Variants in PALS1 observed in about 807,000 individuals in gnomAD.
PALS1 encodes protein PALS1.
In PALS1, 31 loss-of-function variants were observed where a neutral mutation model predicts 78.9. The observed-to-expected ratio is 0.39, with a 90% CI of 0.30 to 0.53. The LOEUF (loss-of-function observed/expected upper bound fraction) is 0.53, where lower values mean the gene tolerates loss of function less well. Among genes scored for constraint, PALS1 ranks in the 20% least tolerant of loss-of-function variants. PALS1 has a pLI of 0.67. For synonymous variants in PALS1, 276 were observed against 270.9 expected, an observed-to-expected ratio of 1.02 and a Z score of -0.18; for missense variants, 704 against 826.5, an observed-to-expected ratio of 0.85 and a Z score of 1.82.
In PALS1 at chr14:67,335,560, A is replaced by G. The variant is rs906059304; in HGVS notation, c.*2604A>G. 2.0e-5 allele frequency: 3 copies of G among 152,654 alleles called. No individual in the cohort carries two copies. Among genetic ancestry groups the G allele is most frequent in the African/African-American group, 7.2e-5 (3 of 41,464 alleles). 9.5% of individuals were successfully genotyped at this position (152,654 alleles called of 1,614,324 possible). On this transcript the variant is annotated 3_prime_UTR_variant, in exon 15 of 15. Coordinates refer to ENST00000261681, the MANE Select transcript of PALS1 (RefSeq NM_022474.4). ...GACTAATCCAGATTTGCTTTCTATG[A>G]AAATCTAATGTCTGGATTATCTTCC...
Position 67,333,106 on chromosome 14 carries a change from C to A in PALS1, c.*150C>A. ...TCTTAGATCTCTTGAATTAGTGAGACGACAGTTCCCTTAGGCAGTTTGTGC... is the reference window on the plus strand; with the variant it reads ...TCTTAGATCTCTTGAATTAGTGAGAAGACAGTTCCCTTAGGCAGTTTGTGC... On this transcript the variant is annotated 3_prime_UTR_variant, in exon 15 of 15. Transcript: ENST00000261681. The A allele has an allele frequency of 1.6e-6, 1 of 634,244 alleles. No individual in the cohort carries two copies. The highest frequency in any genetic ancestry group is 2.4e-5 in the South Asian group (1 of 42,420). The allele number at this position is 634,244 out of a possible 1,614,324, so 39.3% of individuals were successfully genotyped here. A position where few individuals can be genotyped will look rare whatever the true frequency, so the allele number is the denominator to read the frequency against.
chr14:67,300,795 T>C (rs965855457), intron 4 of PALS1, among the ~76,000 whole-genome samples: 1 of 152,180 alleles, frequency 6.6e-6, no homozygotes, highest in Non-Finnish European at 1.5e-5. Flanking sequence ...ATTATGGTGA[T>C]TGTTCCATTA....
intron 2 of PALS1, among the ~76,000 whole-genome samples, chr14:67,272,571 C>T (rs541014549): frequency 6.6e-6 from 1 of 152,146 alleles, no homozygotes. Flanking sequence ...TGACTTCTTT[C>T]TCCTCCTCCT....
At chr14:67,326,995 T>C (rs992716930) in intron 14 of PALS1, among the ~76,000 whole-genome samples, 1 of 151,974 alleles carries the variant, frequency 6.6e-6, no homozygotes, top group Non-Finnish European at 1.5e-5. Context: ...GCTAACATAG[T>C]GAAACCCCGT....
At chr14:67,283,718 A>G (rs559703437) in intron 3 of PALS1, among the ~76,000 whole-genome samples, 15 of 152,322 alleles carry the variant, frequency 9.8e-5, no homozygotes, top group East Asian at 9.6e-4. Context: ...AATTAGACCT[A>G]AAGATGTAAA....
chr14:67,275,826 A>T (rs1448284263), intron 2 of PALS1, among the ~76,000 whole-genome samples: 1 of 152,064 alleles, frequency 6.6e-6, no homozygotes, highest in Admixed American at 6.6e-5. Context: ...CAGGGATTCG[A>T]CTTCTTCCTG....
In PALS1 at chr14:67,323,237, G is replaced by A. The variant is rs1468987053; in HGVS notation, c.1741-465G>A. ...CATATATACACATATATACACGTGT[G>A]TGTGTGTGTGTGTGTGTGTGTGTGT... On this transcript the variant is annotated intron_variant, in intron 13 of 14. Coordinates refer to ENST00000261681, the MANE Select transcript of PALS1 (RefSeq NM_022474.4). Among the ~76,000 whole-genome samples the A allele has an allele frequency of 2.9e-4, 15 of 51,452 alleles. No individual in the cohort carries two copies. In the South Asian group the frequency reaches 5.1e-3, roughly 17 times the overall value. The allele number at this position is 51,452 out of a possible 152,430, so 33.8% of individuals were successfully genotyped here.
At chr14:67,251,742 C>A (rs2084066652) in intron 1 of PALS1, among the ~76,000 whole-genome samples, 1 of 152,160 alleles carries the variant, frequency 6.6e-6, no homozygotes, top group Non-Finnish European at 1.5e-5. Context: ...TTTTCTTAAG[C>A]ATAGAGAGTC....
chr14:67,319,703 C>G (rs1314490980), intron 11 of PALS1, among the ~76,000 whole-genome samples: 1 of 152,002 alleles, frequency 6.6e-6, no homozygotes. Flanking sequence ...CCGTCCTGGG[C>G]TGCATGCAGC....
chr14:67,267,347 C>T (rs918678742), intron 1 of PALS1, among the ~76,000 whole-genome samples: 7 of 152,016 alleles, frequency 4.6e-5, no homozygotes, highest in Non-Finnish European at 1.0e-4. Context: ...CAACCTCTGC[C>T]TCCCAGGTTC....
intron 2 of PALS1, among the ~76,000 whole-genome samples, chr14:67,278,719 T>G (rs1264683072): frequency 6.6e-6 from 1 of 152,208 alleles, no homozygotes; most frequent in African/African-American, 2.4e-5. Context: ...TCTACCAAAC[T>G]AGTACCCCAA....
chr14:67,284,660 C>T (rs1240771607), intron 3 of PALS1, among the ~76,000 whole-genome samples: 1 of 149,942 alleles, frequency 6.7e-6, no homozygotes, highest in African/African-American at 2.4e-5. Context: ...ATTCTGTCCA[C>T]CACCTGGCCC....
chr14:67,302,849 G>A (rs1228724180), intron 7 of PALS1, among the ~76,000 whole-genome samples: 1 of 152,060 alleles, frequency 6.6e-6, no homozygotes, highest in Non-Finnish European at 1.5e-5. Context: ...TTTATTGAGT[G>A]CCTAATATGC....
At chr14:67,272,740 C>T (rs551158918) in intron 2 of PALS1, among the ~76,000 whole-genome samples, 2 of 152,314 alleles carry the variant, frequency 1.3e-5, no homozygotes, top group South Asian at 4.1e-4. Context: ...CTCACTACAA[C>T]CTCTGCCTCC....
At chr14:67,325,813 CTT>C (rs34458766) in intron 14 of PALS1, among the ~76,000 whole-genome samples, 5 of 142,944 alleles carry the variant, frequency 3.5e-5, no homozygotes, top group Non-Finnish European at 3.1e-5. Context: ...TGTTAAGCAT[CTT>C]TTTTTTTTTT....
chr14:67,274,582 T>G (rs2084466892), intron 2 of PALS1, among the ~76,000 whole-genome samples: 1 of 152,216 alleles, frequency 6.6e-6, no homozygotes, highest in Admixed American at 6.5e-5. Flanking sequence ...TTCTTTTGGC[T>G]TAGGGTTGTC....
chr14:67,248,606 G>T (rs1188821615), intron 1 of PALS1, among the ~76,000 whole-genome samples: 1 of 152,058 alleles, frequency 6.6e-6, no homozygotes. Context: ...GGCCTCCAGG[G>T]TTCTTGGCAT....
intron 14 of PALS1, among the ~76,000 whole-genome samples, chr14:67,331,763 A>G (rs2085453075): frequency 6.6e-6 from 1 of 152,172 alleles, no homozygotes; most frequent in African/African-American, 2.4e-5. Context: ...CCAATACCAC[A>G]AAGTTTCAGT....
chr14:67,292,451 A>G, intron 3 of PALS1, 60 bp from the exon 4 acceptor site: 1 of 1,142,090 alleles, frequency 8.8e-7, no homozygotes, highest in South Asian at 1.4e-5. Context: ...TTCTCTGAAA[A>G]TGCATGTTGA....
Sources: allele counts gnomAD v4.1 joint callset (sites outside exome capture counted in the v4.1 genomes callset), GRCh38; gene constraint gnomAD v4.1.1; transcripts MANE v1.5; gene names NCBI Gene and HGNC (gene_info 2026-07-23, HGNC 2026-07-21).